WIPI1: variants seen among roughly 807,000 people sequenced by gnomAD.
WIPI1 encodes the protein WD repeat domain, phosphoinositide interacting 1.
Under a neutral mutation model 55.3 loss-of-function variants are expected in WIPI1, and 45 were observed. The observed-to-expected ratio is 0.81, with a 90% CI of 0.64 to 1.04. The LOEUF (loss-of-function observed/expected upper bound fraction) is 1.04, where lower values mean the gene tolerates loss of function less well. Ranked by LOEUF, WIPI1 falls within the 50% of genes least tolerant of loss-of-function variation. The pLI is 0.00. For synonymous variants in WIPI1, 195 were observed against 217.6 expected, an observed-to-expected ratio of 0.90 and a Z score of 0.92; for missense variants, 445 against 559.0, an observed-to-expected ratio of 0.80 and a Z score of 2.06.
chr17:68,429,776 A>T (rs1015008993), intron 9 of WIPI1, among the ~76,000 whole-genome samples: 4 of 152,048 alleles, frequency 2.6e-5, no homozygotes, highest in African/African-American at 9.7e-5. Context: ...TTTAGTAGAG[A>T]CGGGATTTCA....
At position 68,433,760 on chromosome 17, in the gene WIPI1, GTTTTTTTTTTT is replaced by G. The variant is rs556777098; in HGVS notation, c.693-196_693-186del. ...TCAGAAAGATTCACAAAGGGTCATA[GTTTTTTTTTTT>G]TTTTTTTTTTTTTTTTTTTTTTTTT... is the stretch of plus-strand genomic sequence containing the variant. On this transcript the variant is annotated intron_variant, in intron 7 of 12. Coordinates refer to ENST00000262139, the MANE Select transcript of WIPI1 (RefSeq NM_017983.7). 9.3e-4 allele frequency among the ~76,000 whole-genome samples: 68 copies of G among 72,818 alleles called. 1 individual carries two copies. Among genetic ancestry groups the G allele is most frequent in the East Asian group, 6.0e-3 (10 of 1,662 alleles). 47.8% of individuals were successfully genotyped at this position (72,818 alleles called of 152,430 possible). A position where few individuals can be genotyped will look rare whatever the true frequency, so the allele number is the denominator to read the frequency against.
intron 12 of WIPI1, among the ~76,000 whole-genome samples, chr17:68,424,890 A>G (rs2083056881): frequency 6.6e-6 from 1 of 152,208 alleles, no homozygotes; most frequent in Admixed American, 6.5e-5. Flanking sequence ...AACAAAACAA[A>G]ACAAATCAGT....
At chr17:68,452,831 G>T in intron 2 of WIPI1, 79 bp downstream of exon 2, 12 of 1,312,060 alleles carry the variant, frequency 9.1e-6, no homozygotes, top group Non-Finnish European at 1.3e-5. Flanking sequence ...TAGGCAGCTT[G>T]GTAGCACCGC....
chr17:68,442,603 A>G (rs1451428589), intron 4 of WIPI1, among the ~76,000 whole-genome samples: 1 of 152,076 alleles, frequency 6.6e-6, no homozygotes, highest in Non-Finnish European at 1.5e-5. Flanking sequence ...CCCTCTCTTC[A>G]GAGAAACTGA....
At chr17:68,436,823 C>G (rs2147889151) in intron 4 of WIPI1, among the ~76,000 whole-genome samples, 1 of 152,060 alleles carries the variant, frequency 6.6e-6, no homozygotes, top group East Asian at 1.9e-4. Context: ...ATGGTGAAAC[C>G]CCATCTCTAC....
chr17:68,450,839 T>C lies in WIPI1; in HGVS notation c.222A>G (p.Val74=). 2 of 1,614,206 alleles carry C rather than the reference T, an allele frequency of 1.2e-6. No homozygotes were observed. Among genetic ancestry groups the C allele is most frequent in the East Asian group, 2.2e-5 (1 of 44,884 alleles). ...ERLFSSSLVV[V]VSHTKPRQMN... is the part of the protein sequence containing the mutation. The stretch of plus-strand genomic sequence containing the variant: ...TCTGCCGTGGTTTTGTGTGACTGAC[T>C]ACCACCACCAGGCTGCTGGAGAAGA... Residue 74 remains valine, a synonymous_variant, in exon 3 of 13, where the codon GTA becomes GTG. Coordinates refer to ENST00000262139, the MANE Select transcript of WIPI1 (RefSeq NM_017983.7).
intron 3 of WIPI1, among the ~76,000 whole-genome samples, chr17:68,445,881 G>GAGCT (rs2084264524): frequency 6.6e-6 from 1 of 152,288 alleles, no homozygotes; most frequent in South Asian, 2.1e-4. Flanking sequence ...GATGCCCAAG[G>GAGCT]AGCTGCCCAA....
chr17:68,425,870 G>C, intron 12 of WIPI1: 1 of 547,834 alleles, frequency 1.8e-6, no homozygotes, highest in Non-Finnish European at 3.2e-6. Flanking sequence ...ATGCCATCAG[G>C]GTTTAGCTCG....
intron 4 of WIPI1, among the ~76,000 whole-genome samples, chr17:68,436,694 C>T (rs2083807999): frequency 6.6e-6 from 1 of 152,182 alleles, no homozygotes; most frequent in Non-Finnish European, 1.5e-5. Context: ...ACACTGGCTG[C>T]GTCCTTGCTA....
rs149641285 is a variant in WIPI1, at chr17:68,429,992, G to A, written c.965+4C>T. ...TTGTTCAGAGTGGGTGTCATTGTAC[G>A]TACGTTGAGAGGGTACAGATGTTCC... On this transcript the variant is annotated splice_donor_region_variant and intron_variant, in intron 9 of 12. Transcript: ENST00000262139. 3.9e-4 allele frequency: 635 copies of A among 1,614,040 alleles called. No homozygotes were observed. The African/African-American group carries it at 7.5e-3, about 19-fold the overall frequency.
At chr17:68,456,325 T>G (rs533050285) in intron 1 of WIPI1, among the ~76,000 whole-genome samples, 47 of 152,288 alleles carry the variant, frequency 3.1e-4, no homozygotes, top group African/African-American at 1.1e-3. Context: ...ATGGCCTTAA[T>G]TACACCACTG....
chr17:68,444,969 G>C (rs3785612), intron 3 of WIPI1, among the ~76,000 whole-genome samples: 38,546 of 141,962 alleles, frequency 0.27, 5,273 homozygotes, highest in Admixed American at 0.32. Context: ...CACCCAGACT[G>C]GAGTGCAGTG....
intron 3 of WIPI1, among the ~76,000 whole-genome samples, chr17:68,448,995 A>C (rs949990415): frequency 6.6e-6 from 1 of 152,200 alleles, no homozygotes; most frequent in African/African-American, 2.4e-5. Context: ...GGTGGACTTA[A>C]GTGGATTTTC....
At chr17:68,425,558 G>A (rs1292834775) in intron 12 of WIPI1, among the ~76,000 whole-genome samples, 2 of 151,916 alleles carry the variant, frequency 1.3e-5, no homozygotes, top group African/African-American at 2.4e-5. Context: ...TGCTGGGGAG[G>A]TGCGGGTCTG....
intron 1 of WIPI1, among the ~76,000 whole-genome samples, 181 bp downstream of exon 1, chr17:68,457,161 G>C (rs976741211): frequency 1.2e-4 from 18 of 151,930 alleles, no homozygotes; most frequent in Non-Finnish European, 1.2e-4. Flanking sequence ...GGGGTGGGGG[G>C]TGCGGCAAAC....
At chr17:68,438,374 A>G (rs569273004) in intron 4 of WIPI1, among the ~76,000 whole-genome samples, 2 of 152,336 alleles carry the variant, frequency 1.3e-5, no homozygotes, top group East Asian at 3.9e-4. Context: ...TGCTATCCAA[A>G]TGAAATTTCA....
In WIPI1 at chr17:68,428,919, C is replaced by T. The variant is rs146357218; in HGVS notation, c.983G>A (p.Arg328Gln). ...CTLSTIQKLPRLLVASSSGHL... is the reference protein window; with the variant it reads ...CTLSTIQKLPQLLVASSSGHL... ...TCCACTGGATGACGCAACTAGCAGC[C>T]GTGGCAACTTCTGGATCCTAAGGGC... Residue 328 changes from arginine to glutamine, a missense_variant, in exon 10 of 13, where the codon CGG becomes CAG. Coordinates refer to ENST00000262139, the MANE Select transcript of WIPI1 (RefSeq NM_017983.7). 1.1e-5 allele frequency: 17 copies of T among 1,613,810 alleles called. No homozygotes were observed. Among genetic ancestry groups the T allele is most frequent in the East Asian group, 8.9e-5 (4 of 44,896 alleles).
intron 4 of WIPI1, among the ~76,000 whole-genome samples, chr17:68,443,721 C>T (rs961466608): frequency 2.0e-5 from 3 of 152,090 alleles, no homozygotes; most frequent in Non-Finnish European, 1.5e-5. Flanking sequence ...AGCAGTTGTT[C>T]AATGATACTA....
At chr17:68,434,372 C>T (rs1457477109) in intron 7 of WIPI1, among the ~76,000 whole-genome samples, 184 bp downstream of exon 7, 2 of 152,204 alleles carry the variant, frequency 1.3e-5, no homozygotes, top group South Asian at 2.1e-4. Flanking sequence ...AACAGCATCT[C>T]GGCTTTCAGT....
Sources: allele counts gnomAD v4.1 joint callset (sites outside exome capture counted in the v4.1 genomes callset), GRCh38; gene constraint gnomAD v4.1.1; transcripts MANE v1.5; gene names NCBI Gene and HGNC (gene_info 2026-07-23, HGNC 2026-07-21).